The following NREP variants were observed in gnomAD, a reference collection of about 807,000 sequenced individuals.
NREP encodes the protein neuronal regeneration related protein, also known as neuronal regeneration-related protein.
In NREP, 5 loss-of-function variants were observed where a neutral mutation model predicts 8.6. The observed-to-expected ratio is 0.58, with a 90% CI of 0.30 to 1.22. The LOEUF is 1.22. Among genes scored for constraint, NREP ranks in the 50% most tolerant of loss-of-function variants. NREP has a pLI of 0.07. For missense variants in NREP, 86 were observed against 82.5 expected (o/e 1.04, Z -0.17); for synonymous variants, 27 against 28.0 (o/e 0.96, Z 0.11).
intron 2 of NREP, among the ~76,000 whole-genome samples, chr5:111,810,067 G>A (rs902538757): frequency 6.6e-6 from 1 of 152,058 alleles, no homozygotes; most frequent in African/African-American, 2.4e-5. Context: ...TGGGATATTA[G>A]TTAGCCAAAT....
chr5:111,730,809 C>A lies in NREP; in HGVS notation c.*112G>T, dbSNP rs564686603. ...AATTCTCTAAAGCAAGGCTCAGAGTCCCATAGTTTCTTCTTATACTTGATG... is the reference window on the plus strand; with the variant it reads ...AATTCTCTAAAGCAAGGCTCAGAGTACCATAGTTTCTTCTTATACTTGATG... On this transcript the variant is annotated 3_prime_UTR_variant, in exon 4 of 4. Coordinates refer to ENST00000257435, the MANE Select transcript of NREP (RefSeq NM_004772.4). The A allele has an allele frequency of 4.9e-6, 6 of 1,232,222 alleles. No individual in the cohort carries two copies. Among genetic ancestry groups the A allele is most frequent in the Non-Finnish European group, 6.8e-6 (6 of 882,836 alleles). 76.3% of individuals were successfully genotyped at this position (1,232,222 alleles called of 1,614,324 possible).
intron 2 of NREP, among the ~76,000 whole-genome samples, chr5:111,736,671 T>C (rs113926392): frequency 0.041 from 6,291 of 152,224 alleles, 187 homozygotes; most frequent in Non-Finnish European, 0.064. Flanking sequence ...TTCGGAATAA[T>C]TGAACAGTAA....
At chr5:111,907,961 T>C (rs1296703550) in intron 2 of NREP, among the ~76,000 whole-genome samples, 1 of 152,098 alleles carries the variant, frequency 6.6e-6, no homozygotes, top group African/African-American at 2.4e-5. Flanking sequence ...AAAATACTAA[T>C]GAGTATTTGT....
intron 2 of NREP, among the ~76,000 whole-genome samples, chr5:111,872,741 G>A (rs945850690): frequency 3.9e-5 from 6 of 152,114 alleles, no homozygotes; most frequent in African/African-American, 1.2e-4. Flanking sequence ...GTAACTGCTT[G>A]TTTAATAAAT....
At chr5:111,851,015 CAAATAA>C (rs1045871015) in intron 2 of NREP, among the ~76,000 whole-genome samples, 4 of 152,068 alleles carry the variant, frequency 2.6e-5, no homozygotes, top group Admixed American at 2.6e-4. Context: ...TTGTTAGGCT[CAAATAA>C]GATACCTTGT....
chr5:111,955,639 C>A (rs1388294019), intron 2 of NREP, among the ~76,000 whole-genome samples: 1 of 151,858 alleles, frequency 6.6e-6, no homozygotes, highest in Non-Finnish European at 1.5e-5. Flanking sequence ...CATTAAATAC[C>A]GATTGAAATA....
intron 2 of NREP, among the ~76,000 whole-genome samples, chr5:111,959,477 A>T (rs1304103329): frequency 1.3e-5 from 2 of 152,068 alleles, no homozygotes; most frequent in African/African-American, 4.8e-5. Context: ...TTTAAGATAA[A>T]CACAGATAGT....
intron 2 of NREP, chr5:111,948,822 T>C (rs1756069073): frequency 6.6e-6 from 1 of 152,066 alleles, no homozygotes; most frequent in Non-Finnish European, 1.5e-5. Context: ...CAATTCCCCA[T>C]GTATAAGGCA....
chr5:111,842,306 T>C (rs1351532738), intron 2 of NREP, among the ~76,000 whole-genome samples: 1 of 152,198 alleles, frequency 6.6e-6, no homozygotes, highest in African/African-American at 2.4e-5. Flanking sequence ...AGTTTGTAAC[T>C]ACATTCCTTC....
chr5:111,731,429 A>AT (rs943205697), intron 3 of NREP, among the ~76,000 whole-genome samples: 1 of 33,600 alleles, frequency 3.0e-5, no homozygotes, highest in Non-Finnish European at 7.0e-5. Flanking sequence ...GTTGATAATT[A>AT]TAAAAAAAAA....
In NREP at chr5:111,926,360, T is replaced by A. The variant is rs114500770; in HGVS notation, c.135+48914A>T. On this transcript the variant is annotated intron_variant, in intron 2 of 3. Coordinates refer to the NREP transcript ENST00000395634. ...GAAATTTGTTTTCTTAGCTTTGGGG[T>A]ATCATTCCCCATGCATGTTCCAGAT... Among the ~76,000 whole-genome samples, 1,301 of 152,164 alleles carry A rather than the reference T, an allele frequency of 8.5e-3. 23 individuals carry two copies. Among genetic ancestry groups the A allele is most frequent in the African/African-American group, 0.03 (1,238 of 41,534 alleles).
At chr5:111,747,771 T>G (rs988438560) in intron 2 of NREP, among the ~76,000 whole-genome samples, 4 of 152,154 alleles carry the variant, frequency 2.6e-5, no homozygotes, top group Non-Finnish European at 5.9e-5. Context: ...ATAAGTTATA[T>G]TTATATTTTG....
In NREP at chr5:111,975,055, G is replaced by C. The variant is rs150794911; in HGVS notation, c.135+219C>G. 3.9e-4 allele frequency among the ~76,000 whole-genome samples: 59 copies of C among 152,336 alleles called. 1 individual carries two copies. The East Asian group carries it at 0.011, about 28-fold the overall frequency. On this transcript the variant is annotated intron_variant, in intron 2 of 3. Transcript: ENST00000395634. ...CTAAGTAAGGATTGCACTTCCACAG[G>C]GAATGAAGTGATGGCAGTTACAATG...
chr5:111,729,269 C>T (rs1197270983), downstream of NREP: 1 of 152,206 alleles, frequency 6.6e-6, no homozygotes, highest in Admixed American at 6.5e-5. Flanking sequence ...ACATTCAAAA[C>T]TAGGCCTCTT....
At chr5:111,893,922 T>C (rs1262640442) in intron 2 of NREP, among the ~76,000 whole-genome samples, 1 of 151,894 alleles carries the variant, frequency 6.6e-6, no homozygotes, top group Non-Finnish European at 1.5e-5. Flanking sequence ...GTAGTAATAT[T>C]AATAATAATA....
At chr5:111,876,555 G>A (rs1471268755) in intron 2 of NREP, among the ~76,000 whole-genome samples, 1 of 151,806 alleles carries the variant, frequency 6.6e-6, no homozygotes, top group Non-Finnish European at 1.5e-5. Context: ...CTGAATTCTT[G>A]AACTGTGTGT....
intron 2 of NREP, among the ~76,000 whole-genome samples, chr5:111,794,102 T>G (rs570781161): frequency 1.3e-4 from 20 of 152,108 alleles, no homozygotes; most frequent in Non-Finnish European, 2.5e-4. Context: ...AAAGTTCAAT[T>G]GAATTTAAAA....
intron 2 of NREP, among the ~76,000 whole-genome samples, chr5:111,947,859 C>A (rs1377023144): frequency 6.6e-6 from 1 of 151,966 alleles, no homozygotes; most frequent in Non-Finnish European, 1.5e-5. Flanking sequence ...ACATATTCCT[C>A]CTTGATCTTA....
At chr5:111,840,364 G>C (rs1489233898) in intron 2 of NREP, among the ~76,000 whole-genome samples, 1 of 151,906 alleles carries the variant, frequency 6.6e-6, no homozygotes, top group Non-Finnish European at 1.5e-5. Context: ...TCTTTTTCTT[G>C]CCTTGTATGT....
Sources: allele counts gnomAD v4.1 joint callset (sites outside exome capture counted in the v4.1 genomes callset), GRCh38; gene constraint gnomAD v4.1.1; transcripts MANE v1.5; gene names NCBI Gene and HGNC (gene_info 2026-07-23, HGNC 2026-07-21).